RAD51C: variants seen among roughly 807,000 people sequenced by gnomAD.
RAD51C encodes DNA repair protein RAD51 homolog 3.
RAD51C carries 42 observed loss-of-function variants against 45.0 expected under a neutral mutation model. The ratio of observed to expected loss-of-function variants is 0.93; its 90% CI spans 0.73 to 1.21. RAD51C has a LOEUF of 1.21. RAD51C is among the 50% of genes most tolerant of loss of function. The probability of loss-of-function intolerance (pLI) is 0.00; values close to 1 mark genes in which losing one functional copy is unlikely to be tolerated. For synonymous variants in RAD51C, 172 were observed against 159.8 expected, an observed-to-expected ratio of 1.08 and a Z score of -0.58; for missense variants, 474 against 452.2, an observed-to-expected ratio of 1.05 and a Z score of -0.44.
intron 4 of RAD51C, among the ~76,000 whole-genome samples, chr17:58,703,579 C>T (rs1486318487): frequency 1.3e-5 from 2 of 152,088 alleles, no homozygotes; most frequent in African/African-American, 2.4e-5. Flanking sequence ...TGGAATAGCT[C>T]CTATCAAACC....
At chr17:58,729,026 A>G (rs776746353) in intron 7 of RAD51C, among the ~76,000 whole-genome samples, 1 of 152,220 alleles carries the variant, frequency 6.6e-6, no homozygotes, top group Non-Finnish European at 1.5e-5. Context: ...GTTTTAGAGC[A>G]CAAATTGTGC....
intron 1 of RAD51C, chr17:58,693,112 A>G (rs2143690470): frequency 3.1e-6 from 1 of 327,012 alleles, no homozygotes; most frequent in East Asian, 7.6e-5. Flanking sequence ...TATCTTGGGG[A>G]GCTTAGGTAA....
At chr17:58,709,079 T>A (rs903659758) in intron 4 of RAD51C, among the ~76,000 whole-genome samples, 9 of 150,124 alleles carry the variant, frequency 6.0e-5, no homozygotes, top group Admixed American at 1.3e-4. Flanking sequence ...TATTCCTTTT[T>A]CTTTTTGAAT....
chr17:58,713,714 A>G (rs1364930197), intron 5 of RAD51C, among the ~76,000 whole-genome samples: 1 of 152,062 alleles, frequency 6.6e-6, no homozygotes, highest in Non-Finnish European at 1.5e-5. Flanking sequence ...AGGCTGAGGC[A>G]GGAGAATCAC....
At chr17:58,694,621 C>T (rs1351478458) in intron 1 of RAD51C, 5 of 360,852 alleles carry the variant, frequency 1.4e-5, no homozygotes, top group South Asian at 4.5e-5. Context: ...AATTATAACG[C>T]GTGCCACCAT....
chr17:58,730,328 C>A (rs1397477512), intron 7 of RAD51C, among the ~76,000 whole-genome samples: 1 of 148,914 alleles, frequency 6.7e-6, no homozygotes, highest in African/African-American at 2.5e-5. Context: ...CCACGCCCAG[C>A]TAATTTTTTT....
At chr17:58,714,495 G>A (rs2048663881) in intron 5 of RAD51C, among the ~76,000 whole-genome samples, 2 of 151,770 alleles carry the variant, frequency 1.3e-5, no homozygotes, top group East Asian at 2.0e-4. Context: ...GTCTCGCTCT[G>A]TCGCCCAGGT....
chr17:58,696,316 C>G (rs948782911), intron 2 of RAD51C, among the ~76,000 whole-genome samples: 6 of 151,512 alleles, frequency 4.0e-5, no homozygotes, highest in African/African-American at 1.2e-4. Context: ...GCTTGTAGTC[C>G]TAGCTACTCG....
intron 6 of RAD51C, 143 bp downstream of exon 6, chr17:58,720,955 A>ATCTAACGGTACTGTG: frequency 4.4e-6 from 3 of 682,260 alleles, no homozygotes; most frequent in Non-Finnish European, 7.6e-6. Context: ...TAAGCACAGT[A>ATCTAACGGTACTGTG]CCGTTAGATA....
At chr17:58,723,462 C>G (rs1346048861) in intron 6 of RAD51C, among the ~76,000 whole-genome samples, 1 of 151,898 alleles carries the variant, frequency 6.6e-6, no homozygotes, top group Non-Finnish European at 1.5e-5. Flanking sequence ...TATGCTCTCC[C>G]CCCAAGAGGC....
chr17:58,698,164 A>G (rs1402833459), intron 3 of RAD51C, among the ~76,000 whole-genome samples: 1 of 144,358 alleles, frequency 6.9e-6, no homozygotes, highest in Non-Finnish European at 1.5e-5. Context: ...GGCATGTGTT[A>G]CCATGCCCAG....
intron 6 of RAD51C, among the ~76,000 whole-genome samples, chr17:58,721,292 A>G (rs1182933852): frequency 1.3e-5 from 2 of 152,104 alleles, no homozygotes; most frequent in Non-Finnish European, 2.9e-5. Context: ...AAAATTGCGT[A>G]TCTACTGTCT....
rs1057521598 is a variant in RAD51C, at chr17:58,732,526, A to G, written c.1008A>G (p.Thr336=). Residue 336 remains threonine, a synonymous_variant, in exon 8 of 9, where the codon ACA becomes ACG. Transcript: ENST00000337432. ...LYKSPSQKEC[T]VLFQIKPQGF... Reference sequence around the variant, plus strand: ...AGTCACCCAGCCAGAAGGAATGCACAGTACTGTTTCAAATCAAAGTCAGTA... The same window carrying G: ...AGTCACCCAGCCAGAAGGAATGCACGGTACTGTTTCAAATCAAAGTCAGTA... 2.5e-6 allele frequency: 4 copies of G among 1,613,280 alleles called. No homozygotes were observed. The highest frequency in any genetic ancestry group is 1.7e-4 in the Middle Eastern group (1 of 6,058).
chr17:58,696,787 G>C lies in RAD51C; in HGVS notation c.499G>C (p.Asp167His), dbSNP rs1555594778. ...TGATACAGAGGGAAGTTTTATGGTT[G>C]ATAGAGTGGTAGACCTTGCTACTGC... ...FIDTEGSFMV[D>H]RVVDLATACI... Residue 167 changes from aspartate (D) to histidine (H), a missense_variant, in exon 3 of 9, where the codon GAT becomes CAT. Physicochemically the swap from Asp to His is moderately conservative, Grantham distance 81. Transcript: ENST00000337432. 1 of 1,614,190 alleles carries C rather than the reference G, an allele frequency of 6.2e-7. No homozygotes were observed. The highest frequency in any genetic ancestry group is 8.5e-7 in the Non-Finnish European group (1 of 1,180,030).
intron 3 of RAD51C, among the ~76,000 whole-genome samples, chr17:58,700,513 G>A (rs1322941587): frequency 6.6e-6 from 1 of 151,808 alleles, no homozygotes; most frequent in African/African-American, 2.4e-5. Context: ...CGCGATCTGG[G>A]CTCACTGCAA....
chr17:58,724,350 G>C (rs145070066), intron 7 of RAD51C, among the ~76,000 whole-genome samples: 1 of 152,194 alleles, frequency 6.6e-6, no homozygotes, highest in African/African-American at 2.4e-5. Context: ...TGAGTAGGTG[G>C]CCAAGGAATG....
At chr17:58,729,968 C>A (rs879920742) in intron 7 of RAD51C, among the ~76,000 whole-genome samples, 38 of 152,114 alleles carry the variant, frequency 2.5e-4, no homozygotes, top group Middle Eastern at 3.4e-3. Flanking sequence ...CTTTTTTGGA[C>A]ATACTGTTGA....
intron 5 of RAD51C, among the ~76,000 whole-genome samples, chr17:58,711,225 G>A (rs898523427): frequency 6.6e-6 from 1 of 152,018 alleles, no homozygotes; most frequent in Non-Finnish European, 1.5e-5. Flanking sequence ...CACCTTTTCC[G>A]ACTAAAAAAG....
At position 58,695,090 on chromosome 17, in the gene RAD51C, C is replaced by A. The variant is rs755106004; in HGVS notation, c.305C>A (p.Thr102Asn). 2 of 1,614,074 alleles carry A rather than the reference C, an allele frequency of 1.2e-6. No homozygotes were observed. The highest frequency in any genetic ancestry group is 1.7e-6 in the Non-Finnish European group (2 of 1,180,016). ...EQEHTQGFII[T>N]FCSALDDILG... ...GAGCATACCCAGGGCTTCATAATCA[C>A]CTTCTGTTCAGCACTAGATGATATT... Residue 102 changes from threonine to asparagine, a missense_variant, in exon 2 of 9, where the codon ACC becomes AAC. Thr to Asn is a moderately conservative substitution (Grantham distance 65, BLOSUM62 0). Transcript: ENST00000337432.
Sources: allele counts gnomAD v4.1 joint callset (sites outside exome capture counted in the v4.1 genomes callset), GRCh38; gene constraint gnomAD v4.1.1; transcripts MANE v1.5; gene names NCBI Gene and HGNC (gene_info 2026-07-23, HGNC 2026-07-21).